PLCG2: variants seen among roughly 807,000 people sequenced by gnomAD.
PLCG2 encodes the protein 1-phosphatidylinositol 4,5-bisphosphate phosphodiesterase gamma-2.
PLCG2 carries 69 observed loss-of-function variants against 175.6 expected under a neutral mutation model. The observed-to-expected ratio is 0.39, with a 90% CI of 0.32 to 0.48. The LOEUF is 0.48. PLCG2 is among the 20% of genes least tolerant of loss of function. The pLI is 0.91. For missense variants in PLCG2, 1,798 were observed against 1,650.9 expected, an observed-to-expected ratio of 1.09 and a Z score of -1.54; for synonymous variants, 827 against 624.0, an observed-to-expected ratio of 1.33 and a Z score of -4.85.
chr16:81,877,994 TTTTTTG>T (rs1907892381), intron 7 of PLCG2, among the ~76,000 whole-genome samples: 3 of 136,016 alleles, frequency 2.2e-5, no homozygotes, highest in East Asian at 2.2e-4. Flanking sequence ...TTTTTTTTTT[TTTTTTG>T]AGAGGGAGTC....
At chr16:81,947,753 G>C (rs190794404) in intron 31 of PLCG2, among the ~76,000 whole-genome samples, 1 of 152,174 alleles carries the variant, frequency 6.6e-6, no homozygotes, top group Non-Finnish European at 1.5e-5. Flanking sequence ...TACTTTGCTA[G>C]CAGTATGTTT....
At position 81,840,088 on chromosome 16, in the gene PLCG2, A is replaced by G. The variant is rs377505552; in HGVS notation, c.194-14356A>G. ...AACTTAAAGAATTATTTGATGGCCC[A>G]TGCTGGGGGTGTTAGTGGTGAGCAC... On this transcript the variant is annotated intron_variant, in intron 2 of 32. Transcript: ENST00000564138. 1.4e-3 allele frequency among the ~76,000 whole-genome samples: 208 copies of G among 152,318 alleles called. 6 individuals carry two copies. The South Asian group carries it at 0.042, about 30-fold the overall frequency.
intron 2 of PLCG2, among the ~76,000 whole-genome samples, chr16:81,830,944 G>A (rs1905236234): frequency 6.6e-6 from 1 of 152,066 alleles, no homozygotes; most frequent in Non-Finnish European, 1.5e-5. Context: ...GAGAGCATAC[G>A]CAGTGTGTCC....
chr16:81,846,061 C>T lies in PLCG2; in HGVS notation c.194-8383C>T, dbSNP rs150681637. 5.4e-4 allele frequency among the ~76,000 whole-genome samples: 82 copies of T among 152,340 alleles called. No individual in the cohort carries two copies. The East Asian group carries it at 0.016, about 29-fold the overall frequency. On this transcript the variant is annotated intron_variant, in intron 2 of 32. Coordinates refer to ENST00000564138, the MANE Select transcript of PLCG2 (RefSeq NM_002661.5). ...ATACAGAGGATGCTGTTGTGCCCCA[C>T]TCAGCTCCCATTACCAGGCTTGTGC...
chr16:81,901,167 G>C lies in PLCG2; in HGVS notation c.1362+387G>C, dbSNP rs145253120. Among the ~76,000 whole-genome samples the C allele has an allele frequency of 1.3e-3, 201 of 152,320 alleles. No homozygotes were observed. In the East Asian group the frequency reaches 0.026, roughly 20 times the overall value. Reference sequence around the variant, plus strand: ...CTCTCTCGGAGACAGCCCCATGCGAGGTGCTGGAGGTGTCCAGCGACCTGG... The same window carrying C: ...CTCTCTCGGAGACAGCCCCATGCGACGTGCTGGAGGTGTCCAGCGACCTGG... On this transcript the variant is annotated intron_variant, in intron 14 of 32. Coordinates refer to ENST00000564138, the MANE Select transcript of PLCG2 (RefSeq NM_002661.5).
chr16:81,877,828 C>G (rs1248044456), intron 7 of PLCG2, among the ~76,000 whole-genome samples: 1 of 151,808 alleles, frequency 6.6e-6, no homozygotes, highest in Admixed American at 6.6e-5. Context: ...TTGTAGATGT[C>G]ATTGCATCGC....
At chr16:81,781,802 C>G (rs574356832) in intron 1 of PLCG2, among the ~76,000 whole-genome samples, 4 of 152,178 alleles carry the variant, frequency 2.6e-5, no homozygotes, top group Non-Finnish European at 4.4e-5. Flanking sequence ...GCACAGAGCA[C>G]TGAAGAGACA....
intron 1 of PLCG2, among the ~76,000 whole-genome samples, chr16:81,780,570 G>A (rs1187420367): frequency 6.6e-6 from 1 of 152,188 alleles, no homozygotes; most frequent in Non-Finnish European, 1.5e-5. Context: ...GTCATTGTGA[G>A]CCTCACTGAT....
chr16:81,953,760 C>A (rs1414417565), intron 31 of PLCG2, among the ~76,000 whole-genome samples: 4 of 152,102 alleles, frequency 2.6e-5, no homozygotes, highest in Non-Finnish European at 5.9e-5. Flanking sequence ...ACGTTCTTTT[C>A]TGAATGTGCA....
intron 2 of PLCG2, among the ~76,000 whole-genome samples, chr16:81,813,751 C>T (rs980335309): frequency 6.8e-6 from 1 of 146,198 alleles, no homozygotes; most frequent in Non-Finnish European, 1.6e-5. Context: ...CACCAGTGTT[C>T]CTTTGTGCAG....
intron 2 of PLCG2, chr16:81,767,601 T>C (rs1910182020): frequency 1.3e-5 from 2 of 152,222 alleles, no homozygotes; most frequent in Admixed American, 1.3e-4. Context: ...AAAAATATTA[T>C]TTGCATTCAG....
intron 1 of PLCG2, among the ~76,000 whole-genome samples, chr16:81,741,950 C>G (rs1354216269): frequency 6.6e-6 from 1 of 152,184 alleles, no homozygotes; most frequent in Non-Finnish European, 1.5e-5. Context: ...CATATTCACC[C>G]TACAGTGATG....
intron 2 of PLCG2, among the ~76,000 whole-genome samples, chr16:81,837,938 G>T (rs769584522): frequency 2.0e-5 from 3 of 152,024 alleles, no homozygotes; most frequent in Non-Finnish European, 2.9e-5. Context: ...CCTTGTACTT[G>T]TGTGTATTTA....
At chr16:81,911,376 G>A (rs79885646) in intron 18 of PLCG2, among the ~76,000 whole-genome samples, 39 of 152,172 alleles carry the variant, frequency 2.6e-4, no homozygotes, top group East Asian at 2.5e-3. Flanking sequence ...TCTGAGACAC[G>A]TGGCAATAAC....
intron 5 of PLCG2, among the ~76,000 whole-genome samples, chr16:81,860,316 T>C (rs1170516178): frequency 6.6e-6 from 1 of 152,090 alleles, no homozygotes; most frequent in Non-Finnish European, 1.5e-5. Flanking sequence ...CTGCTCCCAA[T>C]CCTTTATCAT....
intron 5 of PLCG2, among the ~76,000 whole-genome samples, chr16:81,865,754 C>T (rs530650008): frequency 3.4e-5 from 5 of 148,872 alleles, no homozygotes; most frequent in Non-Finnish European, 7.5e-5. Context: ...ACTGGGGCAG[C>T]AGCGTGAGAG....
rs1266661734 is a variant in PLCG2, at chr16:81,827,349, A to AT, written c.194-27089dup. The stretch of plus-strand genomic sequence containing the variant: ...CAGGTGTATGCTCCCATGCGCAGCT[A>AT]TTTTTTGTATTTTTTTTTTGGTAGA... On this transcript the variant is annotated intron_variant, in intron 2 of 32. Transcript: ENST00000564138. Among the ~76,000 whole-genome samples the AT allele has an allele frequency of 4.0e-5, 6 of 151,338 alleles. No homozygotes were observed. The East Asian group carries it at 9.7e-4, about 25-fold the overall frequency.
chr16:81,899,180 T>C lies in PLCG2; in HGVS notation c.1194-1432T>C, dbSNP rs368880019. On this transcript the variant is annotated intron_variant, in intron 13 of 32. Coordinates refer to ENST00000564138, the MANE Select transcript of PLCG2 (RefSeq NM_002661.5). ...CTCCATCCCGGGCAATGAGTGAAAC[T>C]CCATTTCCAAAAGAAAAATAAATAA... Among the ~76,000 whole-genome samples the C allele has an allele frequency of 1.8e-4, 27 of 151,442 alleles. 1 individual carries two copies. The South Asian group carries it at 5.4e-3, about 31-fold the overall frequency.
intron 2 of PLCG2, among the ~76,000 whole-genome samples, chr16:81,773,646 A>G (rs1910330392): frequency 6.6e-6 from 1 of 152,196 alleles, no homozygotes; most frequent in African/African-American, 2.4e-5. Context: ...CAGGGTCCGC[A>G]TGTTGAGAGT....
Sources: gnomAD v4.1 joint callset for allele counts (sites outside exome capture counted in the v4.1 genomes callset) on GRCh38, gnomAD v4.1.1 for gene constraint, MANE v1.5 for transcripts, NCBI Gene and HGNC (gene_info 2026-07-23, HGNC 2026-07-21) for gene names.